Variants in ZNF385D observed in about 807,000 individuals in gnomAD.
The protein encoded by ZNF385D is zinc finger protein 385D.
In ZNF385D, 15 loss-of-function variants were observed where a neutral mutation model predicts 35.8. That is an observed-to-expected ratio of 0.42 (90% CI 0.28 to 0.64). ZNF385D has a LOEUF of 0.64. ZNF385D is among the 30% of genes least tolerant of loss of function. ZNF385D has a pLI of 0.23. For synonymous variants in ZNF385D, 212 were observed against 186.8 expected, an observed-to-expected ratio of 1.13 and a Z score of -1.10; for missense variants, 474 against 494.6, an observed-to-expected ratio of 0.96 and a Z score of 0.39.
intron 3 of ZNF385D, among the ~76,000 whole-genome samples, chr3:22,116,359 C>A (rs983427494): frequency 4.6e-5 from 7 of 151,840 alleles, no homozygotes; most frequent in Non-Finnish European, 7.4e-5. Flanking sequence ...CTCCTTTTTT[C>A]CATTAAATTA....
intron 2 of ZNF385D, among the ~76,000 whole-genome samples, chr3:22,174,025 AACACACAC>A (rs10569895): frequency 1.3e-4 from 20 of 149,972 alleles, no homozygotes; most frequent in South Asian, 4.3e-4. Context: ...TTTACACACA[AACACACAC>A]ACACACACAC....
intron 2 of ZNF385D, among the ~76,000 whole-genome samples, chr3:22,259,053 G>A (rs1700471238): frequency 6.6e-6 from 1 of 151,748 alleles, no homozygotes; most frequent in Non-Finnish European, 1.5e-5. Flanking sequence ...TTGCTATGTC[G>A]ATTCTGAAAT....
chr3:21,756,595 A>T (rs1477806986), intron 3 of ZNF385D, among the ~76,000 whole-genome samples: 1 of 152,222 alleles, frequency 6.6e-6, no homozygotes, highest in Non-Finnish European at 1.5e-5. Context: ...AGTATCTTTT[A>T]GGAAGTATAG....
intron 1 of ZNF385D, among the ~76,000 whole-genome samples, chr3:21,710,386 T>C (rs972298844): frequency 6.6e-6 from 1 of 152,198 alleles, no homozygotes; most frequent in African/African-American, 2.4e-5. Flanking sequence ...ATGGTTAAGA[T>C]TACCTGTGTA....
At chr3:21,943,974 C>G (rs899158601) in intron 3 of ZNF385D, among the ~76,000 whole-genome samples, 12 of 152,142 alleles carry the variant, frequency 7.9e-5, no homozygotes, top group Non-Finnish European at 1.5e-4. Flanking sequence ...ATACCAAAAC[C>G]TAGTGAACCA....
In ZNF385D at chr3:21,836,606, C is replaced by T. The variant is rs9842090; in HGVS notation, c.326-171578G>A. ...GTAAGCACGTTAGACTTGCACACAGCCTCTATCACAGCCACTCAACTCTAC... is the reference window on the plus strand; with the variant it reads ...GTAAGCACGTTAGACTTGCACACAGTCTCTATCACAGCCACTCAACTCTAC... On this transcript the variant is annotated intron_variant, in intron 3 of 5. Coordinates refer to the ZNF385D transcript ENST00000494108. Among the ~76,000 whole-genome samples the T allele has an allele frequency of 4.5e-3, 679 of 152,174 alleles. 5 individuals are homozygous for T. Among genetic ancestry groups the T allele is most frequent in the African/African-American group, 0.015 (627 of 41,540 alleles).
At position 22,107,939 on chromosome 3, in the gene ZNF385D, A is replaced by C. The variant is rs547726054; in HGVS notation, c.325+60878T>G. On this transcript the variant is annotated intron_variant, in intron 3 of 5. Coordinates refer to the ZNF385D transcript ENST00000494108. ...ATTAGGCCGTGAGGACTCCTCCCTC[A>C]TGAAAGTGATTAAGGCCCTAATAAA... 1.9e-3 allele frequency among the ~76,000 whole-genome samples: 284 copies of C among 151,994 alleles called. 4 individuals are homozygous for C. The highest frequency in any genetic ancestry group is 6.2e-3 in the African/African-American group (257 of 41,474).
chr3:21,667,844 A>G (rs9813367), intron 1 of ZNF385D, among the ~76,000 whole-genome samples: 1,926 of 152,144 alleles, frequency 0.013, 40 homozygotes, highest in African/African-American at 0.044. Context: ...CTCTTTTAGG[A>G]TATCTATTTC....
intron 1 of ZNF385D, among the ~76,000 whole-genome samples, chr3:21,739,410 C>T (rs2069399113): frequency 6.6e-6 from 1 of 152,124 alleles, no homozygotes; most frequent in South Asian, 2.1e-4. Context: ...CGATTGTTAA[C>T]ACAATGACGG....
intron 3 of ZNF385D, among the ~76,000 whole-genome samples, chr3:21,974,806 G>T (rs546685361): frequency 1.4e-3 from 209 of 152,160 alleles, no homozygotes; most frequent in African/African-American, 4.8e-3. Flanking sequence ...GGCAAACAAG[G>T]ATATAAAAGT....
At chr3:22,108,599 T>C (rs1275462469) in intron 3 of ZNF385D, among the ~76,000 whole-genome samples, 1 of 152,180 alleles carries the variant, frequency 6.6e-6, no homozygotes, top group Non-Finnish European at 1.5e-5. Flanking sequence ...TGCCACTGAC[T>C]AAGAGAGGGG....
At chr3:21,881,387 C>A (rs116292861) in intron 3 of ZNF385D, among the ~76,000 whole-genome samples, 1 of 152,066 alleles carries the variant, frequency 6.6e-6, no homozygotes, top group Non-Finnish European at 1.5e-5. Context: ...ATCTACTCCA[C>A]CTGTGCTCTA....
chr3:22,209,274 C>G (rs1039025367), intron 2 of ZNF385D, among the ~76,000 whole-genome samples: 3 of 151,842 alleles, frequency 2.0e-5, no homozygotes, highest in African/African-American at 7.2e-5. Flanking sequence ...ACAAATGTTC[C>G]TATTCATGTT....
intron 4 of ZNF385D, among the ~76,000 whole-genome samples, chr3:21,447,785 C>A (rs1437560486): frequency 6.6e-6 from 1 of 152,058 alleles, no homozygotes. Context: ...GATAGTCAAG[C>A]CAAGTTATTT....
chr3:22,074,313 C>A (rs754439860), intron 3 of ZNF385D, among the ~76,000 whole-genome samples: 2 of 151,930 alleles, frequency 1.3e-5, no homozygotes, highest in Non-Finnish European at 2.9e-5. Flanking sequence ...TACATAGTTA[C>A]CATAAACAGC....
intron 3 of ZNF385D, among the ~76,000 whole-genome samples, chr3:21,816,130 C>A (rs372494266): frequency 4.6e-5 from 7 of 152,126 alleles, no homozygotes; most frequent in African/African-American, 1.4e-4. Context: ...AATTCAACAG[C>A]CCTTCATGCT....
rs1174611278 is a variant in ZNF385D, at chr3:21,414,225, A to T, written c.*6989T>A. ...AAACAAAACAAAACAAAACAAAAAAAAGTTCAGTTAGGAGACCTTAGTTGA... is the reference window on the plus strand; with the variant it reads ...AAACAAAACAAAACAAAACAAAAAATAGTTCAGTTAGGAGACCTTAGTTGA... On this transcript the variant is annotated 3_prime_UTR_variant, in exon 8 of 8. Transcript: ENST00000281523. The T allele has an allele frequency of 6.6e-6, 1 of 150,924 alleles. No individual in the cohort carries two copies. Among genetic ancestry groups the T allele is most frequent in the Non-Finnish European group, 1.5e-5 (1 of 67,650 alleles). 9.3% of individuals were successfully genotyped at this position (150,924 alleles called of 1,614,324 possible). A position where few individuals can be genotyped will look rare whatever the true frequency, so the allele number is the denominator to read the frequency against.
chr3:21,703,722 G>A (rs376046844), intron 1 of ZNF385D, among the ~76,000 whole-genome samples: 6 of 150,800 alleles, frequency 4.0e-5, no homozygotes, highest in African/African-American at 1.5e-4. Flanking sequence ...CTTTTTTCAT[G>A]TTGGCTCATG....
chr3:22,244,121 T>A (rs1291284556), intron 2 of ZNF385D, among the ~76,000 whole-genome samples: 1 of 150,574 alleles, frequency 6.6e-6, no homozygotes, highest in African/African-American at 2.5e-5. Flanking sequence ...CTACAAAATC[T>A]ACAGTTTCAA....
Sources: allele counts gnomAD v4.1 joint callset (sites outside exome capture counted in the v4.1 genomes callset), GRCh38; gene constraint gnomAD v4.1.1; transcripts MANE v1.5; gene names NCBI Gene and HGNC (gene_info 2026-07-23, HGNC 2026-07-21).